Variants in GARIN1A observed in about 807,000 individuals in gnomAD.
GARIN1A encodes the protein golgi associated RAB2 interactor 1A.
the GARIN1A span, among the ~76,000 whole-genome samples, chr7:128,681,174 T>C: frequency 1.3e-5 from 2 of 152,214 alleles, no homozygotes; most frequent in Admixed American, 6.5e-5. Flanking sequence ...AAAGGTCCTT[T>C]GGTCCATTTA....
chr7:128,701,755 G>GA, the GARIN1A span, among the ~76,000 whole-genome samples: 2 of 152,192 alleles, frequency 1.3e-5, no homozygotes, highest in African/African-American at 4.8e-5. Context: ...AAAGAACGAG[G>GA]AAATTAAAGT....
the GARIN1A span, chr7:128,672,653 G>T: frequency 4.2e-6 from 3 of 712,900 alleles, no homozygotes; most frequent in East Asian, 3.3e-5. Context: ...TGGGGGAGGG[G>T]GGGGCGGGGG....
At chr7:128,703,730 TCTTGCCA>T in the GARIN1A span, among the ~76,000 whole-genome samples, 1 of 151,606 alleles carries the variant, frequency 6.6e-6, no homozygotes, top group South Asian at 2.1e-4. Context: ...TGAACTATGA[TCTTGCCA>T]CTGCACTCCA....
the GARIN1A span, chr7:128,693,416 GT>G: frequency 6.5e-6 from 1 of 154,408 alleles, no homozygotes. Context: ...GGAATGTGGT[GT>G]TTTGGGGTCC....
At chr7:128,677,364 G>A in the GARIN1A span, among the ~76,000 whole-genome samples, 8 of 151,962 alleles carry the variant, frequency 5.3e-5, no homozygotes, top group Admixed American at 1.3e-4. Flanking sequence ...AAAATTAGCC[G>A]GGCGTGGTGG....
chr7:128,689,522 G>T, the GARIN1A span, among the ~76,000 whole-genome samples: 14 of 146,496 alleles, frequency 9.6e-5, no homozygotes, highest in African/African-American at 3.6e-4. Context: ...CCCGGCAGCC[G>T]CCCCGTCTGA....
At chr7:128,692,864 G>A in the GARIN1A span, among the ~76,000 whole-genome samples, 1 of 152,176 alleles carries the variant, frequency 6.6e-6, no homozygotes, top group African/African-American at 2.4e-5. Context: ...TCAATTTAGA[G>A]AAAACAAAAC....
chr7:128,677,678 A>C, the GARIN1A span: 57 of 1,613,792 alleles, frequency 3.5e-5, no homozygotes, highest in Non-Finnish European at 4.8e-5. Flanking sequence ...AAAAACACCC[A>C]GAGATTGTGT....
the GARIN1A span, among the ~76,000 whole-genome samples, chr7:128,708,886 T>C: frequency 6.6e-6 from 1 of 152,302 alleles, no homozygotes; most frequent in Admixed American, 6.5e-5. Flanking sequence ...AAATAATAAA[T>C]AATTCTCCAG....
At chr7:128,692,535 A>C in the GARIN1A span, among the ~76,000 whole-genome samples, 1 of 152,250 alleles carries the variant, frequency 6.6e-6, no homozygotes, top group African/African-American at 2.4e-5. Context: ...ATTATGCTCC[A>C]CCAGGACATG....
the GARIN1A span, among the ~76,000 whole-genome samples, chr7:128,698,275 AC>A: frequency 2.6e-5 from 4 of 152,200 alleles, no homozygotes; most frequent in Admixed American, 2.6e-4. Flanking sequence ...CAGCTCCTGC[AC>A]CATCTCTGCC....
At chr7:128,677,006 CTACCAAAAAA>C in the GARIN1A span, among the ~76,000 whole-genome samples, 2 of 151,748 alleles carry the variant, frequency 1.3e-5, no homozygotes, top group African/African-American at 4.8e-5. Flanking sequence ...GATCCTGTTA[CTACCAAAAAA>C]TACCAAAAAA....
At chr7:128,679,234 C>G in the GARIN1A span, among the ~76,000 whole-genome samples, 1 of 151,604 alleles carries the variant, frequency 6.6e-6, no homozygotes, top group East Asian at 1.9e-4. Context: ...CACTCTGTCA[C>G]CAGGCTAGAG....
chr7:128,688,765 CCCCCT>C, the GARIN1A span, among the ~76,000 whole-genome samples: 10 of 23,878 alleles, frequency 4.2e-4, no homozygotes, highest in East Asian at 5.0e-3. Flanking sequence ...GGTCCCCCCT[CCCCCT>C]CCCCTCCCCC....
chr7:128,682,926 T>G, the GARIN1A span: 1 of 1,464,818 alleles, frequency 6.8e-7, no homozygotes, highest in Non-Finnish European at 9.2e-7. Context: ...TTTCTTCTAT[T>G]GCTTTCAATA....
chr7:128,673,198 A>G, the GARIN1A span, among the ~76,000 whole-genome samples: 11 of 152,232 alleles, frequency 7.2e-5, no homozygotes, highest in East Asian at 2.1e-3. Flanking sequence ...CTAAACATCT[A>G]CTGAGTGCAG....
chr7:128,682,870 C>G, the GARIN1A span: 5 of 1,003,242 alleles, frequency 5.0e-6, no homozygotes, highest in Non-Finnish European at 7.2e-6. Flanking sequence ...AGCCACTGCA[C>G]CCAGCTGAAA....
chr7:128,697,465 C>T, the GARIN1A span: 1 of 152,502 alleles, frequency 6.6e-6, no homozygotes, highest in Admixed American at 6.5e-5. Context: ...CCTGAACGCG[C>T]CCGATCTGGT....
chr7:128,673,091 T>G, the GARIN1A span, among the ~76,000 whole-genome samples: 175 of 152,294 alleles, frequency 1.1e-3, no homozygotes, highest in African/African-American at 4.1e-3. Flanking sequence ...GTATCAAGTC[T>G]TAACGCGGGT....
Sources: allele counts gnomAD v4.1 joint callset (sites outside exome capture counted in the v4.1 genomes callset), GRCh38; gene constraint gnomAD v4.1.1; transcripts MANE v1.5; gene names NCBI Gene and HGNC (gene_info 2026-07-23, HGNC 2026-07-21).